Variants in POLR1A observed in about 807,000 individuals in gnomAD.
POLR1A encodes DNA-directed RNA polymerase I subunit RPA1.
In POLR1A, 84 loss-of-function variants were observed where a neutral mutation model predicts 205.3. The ratio of observed to expected loss-of-function variants is 0.41; its 90% CI spans 0.34 to 0.49. POLR1A has a LOEUF of 0.49. Ranked by LOEUF, POLR1A falls within the 20% of genes least tolerant of loss-of-function variation. POLR1A has a pLI of 0.22. For missense variants in POLR1A, 1,645 were observed against 2,204.5 expected (o/e 0.75, Z 5.08); for synonymous variants, 799 against 863.7 (o/e 0.93, Z 1.31).
At position 86,088,872 on chromosome 2, in the gene POLR1A, T is replaced by C. The variant is rs1487330880; in HGVS notation, c.541-2A>G. The C allele has an allele frequency of 1.2e-6, 2 of 1,606,416 alleles. No individual in the cohort carries two copies. Among genetic ancestry groups the C allele is most frequent in the African/African-American group, 1.3e-5 (1 of 74,492 alleles). On this transcript the variant is annotated splice_acceptor_variant, in intron 4 of 33. Transcript: ENST00000263857. LOFTEE classifies it high-confidence loss of function. Reference sequence around the variant, plus strand: ...CTTGCTCTCACACACGTTCTTTACCTGTTTTTTTAAAAAAAGTCAGAGAAC... The same window carrying C: ...CTTGCTCTCACACACGTTCTTTACCCGTTTTTTTAAAAAAAGTCAGAGAAC...
At chr2:86,054,572 A>AG (rs897674667) in intron 14 of POLR1A, among the ~76,000 whole-genome samples, 2 of 152,272 alleles carry the variant, frequency 1.3e-5, no homozygotes, top group Non-Finnish European at 2.9e-5. Flanking sequence ...ATAATCCCCT[A>AG]GACTTGAATT....
intron 23 of POLR1A, among the ~76,000 whole-genome samples, chr2:86,042,770 AG>A (rs1330414353): frequency 1.6e-5 from 2 of 125,934 alleles, no homozygotes; most frequent in African/African-American, 1.2e-4. Context: ...CACAGGCCCC[AG>A]TTAGTCCCCC....
chr2:86,043,058 A>T lies in POLR1A; in HGVS notation c.3273T>A (p.Ser1091Arg). 1 of 1,614,122 alleles carries T rather than the reference A, an allele frequency of 6.2e-7. No homozygotes were observed. The highest frequency in any genetic ancestry group is 1.7e-5 in the Admixed American group (1 of 60,014). The change falls in exon 23 of 34, where the codon AGT (serine) becomes AGA (arginine). Residue 1091 changes from serine to arginine, a missense_variant. Ser to Arg is a moderately radical substitution (Grantham distance 110, BLOSUM62 -1). Around this residue, in one of 16 missense-constraint regions of POLR1A, gnomAD observed 201 missense variants for 222.3 expected, o/e 0.90. Coordinates refer to ENST00000263857, the MANE Select transcript of POLR1A (RefSeq NM_015425.6). ...NTLLRRGAFL[S>R]YSQKIQEAVK... Reference sequence around the variant, plus strand: ...CAGCTTCCTGAATTTTCTGGGAATAACTCAAGAAGGCGCCTCTTCTCAGCA... The same window carrying T: ...CAGCTTCCTGAATTTTCTGGGAATATCTCAAGAAGGCGCCTCTTCTCAGCA...
At chr2:86,082,872 T>C (rs1014734032) in intron 7 of POLR1A, among the ~76,000 whole-genome samples, 7 of 152,200 alleles carry the variant, frequency 4.6e-5, no homozygotes, top group African/African-American at 7.2e-5. Context: ...TCAGCTGCGA[T>C]AATTGTCAAG....
At chr2:86,050,737 T>C (rs1011541659) in intron 16 of POLR1A, among the ~76,000 whole-genome samples, 6 of 152,252 alleles carry the variant, frequency 3.9e-5, no homozygotes, top group Admixed American at 6.5e-5. Flanking sequence ...TGATTTTTTC[T>C]AGTTAGCAGA....
rs1400919002 is a variant in POLR1A at position 86,052,832 on chromosome 2, T to C, written c.2377A>G (p.Arg793Gly). 3 of 1,574,700 alleles carry C rather than the reference T, an allele frequency of 1.9e-6. No homozygotes were observed. Among genetic ancestry groups the C allele is most frequent in the East Asian group, 2.4e-5 (1 of 42,426 alleles). The change falls in exon 16 of 34, where the codon AGA becomes GGA. Residue 793 changes from arginine (R) to glycine (G), a missense_variant. This residue lies in a region of POLR1A where 339 missense variants were observed against 415.1 expected (regional missense o/e 0.82). Coordinates refer to ENST00000263857, the MANE Select transcript of POLR1A (RefSeq NM_015425.6). ...CGGCACTTACCCAAGGTGAAGCCTC[T>C]GTAGAGCTGCAGGTAGGCGGTGAAG... is the stretch of plus-strand genomic sequence containing the variant. Reference protein sequence around the residue: ...RLFTAYLQLYRGFTLGVEDIL... With the variant: ...RLFTAYLQLYGGFTLGVEDIL...
At chr2:86,074,072 T>G (rs1177590134) in intron 12 of POLR1A, among the ~76,000 whole-genome samples, 1 of 152,096 alleles carries the variant, frequency 6.6e-6, no homozygotes, top group Non-Finnish European at 1.5e-5. Context: ...ATACAGGCAG[T>G]GTATTACTGC....
intron 21 of POLR1A, among the ~76,000 whole-genome samples, chr2:86,045,051 C>G (rs1672686393): frequency 6.6e-6 from 1 of 152,238 alleles, no homozygotes; most frequent in Non-Finnish European, 1.5e-5. Flanking sequence ...CAGGGAATGG[C>G]AGACCCTCAG....
intron 31 of POLR1A, among the ~76,000 whole-genome samples, chr2:86,029,650 G>A (rs1340380800): frequency 1.3e-5 from 2 of 148,738 alleles, no homozygotes; most frequent in Non-Finnish European, 3.0e-5. Flanking sequence ...AGGCTGGAGT[G>A]CAGCGGCGCA....
In POLR1A at chr2:86,088,557, C is replaced by T. The variant is rs1673544694; in HGVS notation, c.730+9G>A. On this transcript the variant is annotated intron_variant, in intron 6 of 33. Coordinates refer to ENST00000263857, the MANE Select transcript of POLR1A (RefSeq NM_015425.6). ...ACATGGAGCTCCTCTCCAGACCCAGCCTGCTCACCCAGGGGCTCAGAGTCC... is the reference window on the plus strand; with the variant it reads ...ACATGGAGCTCCTCTCCAGACCCAGTCTGCTCACCCAGGGGCTCAGAGTCC... The T allele has an allele frequency of 3.8e-6, 6 of 1,594,224 alleles. No homozygotes were observed. The highest frequency in any genetic ancestry group is 1.7e-4 in the Middle Eastern group (1 of 6,020).
chr2:86,098,190 G>A (rs957026515), intron 3 of POLR1A, among the ~76,000 whole-genome samples: 2 of 152,150 alleles, frequency 1.3e-5, no homozygotes, highest in Middle Eastern at 3.4e-3. Context: ...AGAAATAATC[G>A]GACAATCTAA....
Position 86,049,209 on chromosome 2 carries a change from T to G in POLR1A, c.2426A>C (p.Asp809Ala), listed in dbSNP as rs757807622. The change falls in exon 17 of 34, where the codon GAT (aspartate) becomes GCT (alanine). Residue 809 changes from aspartate (D) to alanine (A), a missense_variant. By Grantham distance (126) the Asp-to-Ala change is moderately radical. Coordinates refer to ENST00000263857, the MANE Select transcript of POLR1A (RefSeq NM_015425.6). ...TTCAATGATACGTTGCCTCTTGACA[T>G]CTGCCTTTGGCTTCACCAAAATGTC... ...VEDILVKPKA[D>A]VKRQRIIEES... The G allele has an allele frequency of 8.1e-6, 13 of 1,614,116 alleles. No homozygotes were observed. The highest frequency in any genetic ancestry group is 2.2e-5 in the South Asian group (2 of 91,086).
chr2:86,059,150 G>A (rs1672952625), intron 14 of POLR1A, among the ~76,000 whole-genome samples: 1 of 151,884 alleles, frequency 6.6e-6, no homozygotes, highest in Non-Finnish European at 1.5e-5. Flanking sequence ...TAAAAAGAAC[G>A]AGGCAGATCT....
At chr2:86,064,812 T>C (rs969138797) in intron 14 of POLR1A, among the ~76,000 whole-genome samples, 1 of 151,750 alleles carries the variant, frequency 6.6e-6, no homozygotes, top group African/African-American at 2.4e-5. Flanking sequence ...AGGAGTGCAG[T>C]GGCTGATCCT....
At chr2:86,073,138 G>A (rs1252153259) in intron 12 of POLR1A, among the ~76,000 whole-genome samples, 1 of 150,770 alleles carries the variant, frequency 6.6e-6, no homozygotes, top group Non-Finnish European at 1.5e-5. Flanking sequence ...GGTGGAGGCT[G>A]AAGCAAGCTG....
chr2:86,091,577 T>A (rs60433803), intron 3 of POLR1A, among the ~76,000 whole-genome samples: 5,889 of 152,310 alleles, frequency 0.039, 390 homozygotes, highest in African/African-American at 0.13. Context: ...GGACTGTACA[T>A]ATAATTAATG....
chr2:86,077,944 A>G lies in POLR1A; in HGVS notation c.1295T>C (p.Met432Thr). The G allele has an allele frequency of 6.2e-7, 1 of 1,613,996 alleles. No homozygotes were observed. Residue 432 changes from methionine (M) to threonine (T), a missense_variant, in exon 11 of 34, where the codon ATG becomes ACG. Transcript: ENST00000263857. ...EKKEGLFRKHMMGKRVDYAAR... is the reference protein window; with the variant it reads ...EKKEGLFRKHTMGKRVDYAAR... ...AGCGTAGTCCACTCGCTTTCCCATC[A>G]TGTGTTTTCGGAACAGGCCTTCTTT... is the stretch of plus-strand genomic sequence containing the variant.
chr2:86,037,742 A>G (rs1432475156), intron 27 of POLR1A, among the ~76,000 whole-genome samples: 3 of 152,278 alleles, frequency 2.0e-5, no homozygotes, highest in African/African-American at 7.2e-5. Flanking sequence ...GCTGATGTTT[A>G]AAAGTCAGGA....
intron 29 of POLR1A, 48 bp downstream of exon 29, chr2:86,032,224 G>T: frequency 7.9e-7 from 1 of 1,269,990 alleles, no homozygotes; most frequent in Non-Finnish European, 1.2e-6. Context: ...GGTTAACAGG[G>T]AAGGGGGCTG....
Sources: gnomAD v4.1 joint callset for allele counts (sites outside exome capture counted in the v4.1 genomes callset) on GRCh38, gnomAD v4.1.1 for gene constraint, gnomAD v4.1.1 regional missense constraint, MANE v1.5 for transcripts, NCBI Gene and HGNC (gene_info 2026-07-23, HGNC 2026-07-21) for gene names.